The following HEATR6 variants were observed in gnomAD, a reference collection of about 807,000 sequenced individuals.
HEATR6 encodes HEAT repeat containing 6, also known as HEAT repeat-containing protein 6.
In HEATR6, 106 loss-of-function variants were observed where a neutral mutation model predicts 132.8. The observed-to-expected ratio is 0.80, with a 90% CI of 0.68 to 0.94. The LOEUF is 0.94. HEATR6 is among the 40% of genes least tolerant of loss of function. The probability of loss-of-function intolerance (pLI) is 0.00; values close to 1 mark genes in which losing one functional copy is unlikely to be tolerated. For missense variants in HEATR6, 1,339 were observed against 1,425.1 expected (o/e 0.94, Z 0.97); for synonymous variants, 529 against 537.8 (o/e 0.98, Z 0.23).
At chr17:60,048,982 T>A (rs1298115452) in intron 16 of HEATR6, among the ~76,000 whole-genome samples, 4 of 53,306 alleles carry the variant, frequency 7.5e-5, no homozygotes, top group Admixed American at 2.3e-4. Context: ...CATATATATA[T>A]AATATATATA....
chr17:60,044,318 C>T (rs1568600829), intron 19 of HEATR6, among the ~76,000 whole-genome samples, 184 bp from the exon 20 acceptor site: 1 of 152,172 alleles, frequency 6.6e-6, no homozygotes, highest in Non-Finnish European at 1.5e-5. Context: ...AGGTAAGTGG[C>T]CAGGTGCCAA....
chr17:60,043,395 C>G lies in HEATR6; in HGVS notation c.*168G>C, dbSNP rs1906250073. ...GACCATGGCCAGTGCTATGGAGTCACTCCAAAGGTGGTTGAGCCCTCTGTG... is the reference window on the plus strand; with the variant it reads ...GACCATGGCCAGTGCTATGGAGTCAGTCCAAAGGTGGTTGAGCCCTCTGTG... On this transcript the variant is annotated 3_prime_UTR_variant, in exon 20 of 20. Coordinates refer to ENST00000184956, the MANE Select transcript of HEATR6 (RefSeq NM_022070.5). The G allele has an allele frequency of 3.2e-6, 2 of 633,074 alleles. No homozygotes were observed. The highest frequency in any genetic ancestry group is 5.5e-6 in the Non-Finnish European group (2 of 365,032). 39.2% of individuals were successfully genotyped at this position (633,074 alleles called of 1,614,324 possible). A position where few individuals can be genotyped will look rare whatever the true frequency, so the allele number is the denominator to read the frequency against.
Position 60,043,922 on chromosome 17 carries a change from T to G in HEATR6, c.3187A>C (p.Lys1063Gln). 1 of 1,614,074 alleles carries G rather than the reference T, an allele frequency of 6.2e-7. No homozygotes were observed. Among genetic ancestry groups the G allele is most frequent in the Non-Finnish European group, 8.5e-7 (1 of 1,179,986 alleles). Residue 1063 changes from lysine to glutamine, a missense_variant, in exon 20 of 20, where the codon AAG (lysine) becomes CAG (glutamine). Coordinates refer to ENST00000184956, the MANE Select transcript of HEATR6 (RefSeq NM_022070.5). ...SEDTIDFLEF[K>Q]YCVSLRTQIC... Reference sequence around the variant, plus strand: ...TGGGTCCGTAGGCTGACACAGTACTTGAATTCCAAAAAGTCTATGGTGTCT... The same window carrying G: ...TGGGTCCGTAGGCTGACACAGTACTGGAATTCCAAAAAGTCTATGGTGTCT...
In HEATR6 at chr17:60,057,186, A is replaced by C; in HGVS notation, c.1941T>G (p.Ser647=). The C allele has an allele frequency of 1.2e-6, 2 of 1,614,216 alleles. No homozygotes were observed. The highest frequency in any genetic ancestry group is 1.7e-6 in the Non-Finnish European group (2 of 1,180,028). The part of the protein sequence containing the change: ...EETSVSSPKG[S]SEPCWLIRLC... Reference sequence around the variant, plus strand: ...GTCGAATGAGCCAGCAGGGCTCTGAAGACCCCTTAGGTGAGCTAACTGACG... The same window carrying C: ...GTCGAATGAGCCAGCAGGGCTCTGACGACCCCTTAGGTGAGCTAACTGACG... Residue 647 remains serine, a synonymous_variant, in exon 12 of 20, where the codon TCT becomes TCG. Transcript: ENST00000184956.
intron 12 of HEATR6, among the ~76,000 whole-genome samples, 181 bp from the exon 13 acceptor site, chr17:60,056,418 T>A (rs1282900045): frequency 6.6e-6 from 1 of 152,260 alleles, no homozygotes; most frequent in African/African-American, 2.4e-5. Flanking sequence ...CATAGTTTTA[T>A]GGTGCTTTAG....
intron 1 of HEATR6, among the ~76,000 whole-genome samples, chr17:60,078,427 G>A (rs566127197): frequency 6.6e-6 from 1 of 152,308 alleles, no homozygotes; most frequent in East Asian, 1.9e-4. Flanking sequence ...GGTGCGGGCG[G>A]ATGGAAAGTT....
At chr17:60,073,685 T>C in intron 3 of HEATR6, 61 bp downstream of exon 3, 2 of 1,515,104 alleles carry the variant, frequency 1.3e-6, no homozygotes, top group Non-Finnish European at 1.8e-6. Flanking sequence ...CTGAACACAG[T>C]GTTGGCACCA....
Position 60,070,706 on chromosome 17 carries a change from C to G in HEATR6, c.801G>C (p.Lys267Asn), listed in dbSNP as rs771012464. 1.9e-6 allele frequency: 3 copies of G among 1,559,340 alleles called. No individual in the cohort carries two copies. Among genetic ancestry groups the G allele is most frequent in the South Asian group, 1.1e-5 (1 of 89,894 alleles). The change falls in exon 6 of 20, where the codon AAG becomes AAC. Residue 267 changes from lysine (K) to asparagine (N), a missense_variant and splice_region_variant. Coordinates refer to ENST00000184956, the MANE Select transcript of HEATR6 (RefSeq NM_022070.5). Reference sequence around the variant, plus strand: ...ATGATCATATGAAGACTTGCCTTACCTTTAGCACAGCTAAAAGTGCTCCAA... The same window carrying G: ...ATGATCATATGAAGACTTGCCTTACGTTTAGCACAGCTAAAAGTGCTCCAA... ...DELGALLAVLKKFMFHGLPGL... is the reference protein window; with the variant it reads ...DELGALLAVLNKFMFHGLPGL...
intron 8 of HEATR6, among the ~76,000 whole-genome samples, 155 bp downstream of exon 8, chr17:60,067,269 CAAAAAAAAAA>C (rs11339664): frequency 1.6e-5 from 1 of 61,112 alleles, no homozygotes; most frequent in Non-Finnish European, 4.0e-5. Flanking sequence ...GACTCCGTCT[CAAAAAAAAAA>C]AAAAAAAAAA....
In HEATR6 at chr17:60,041,474, G is replaced by A. The variant is rs550337735; in HGVS notation, c.*2089C>T. 4.6e-5 allele frequency among the ~76,000 whole-genome samples: 7 copies of A among 152,058 alleles called. No homozygotes were observed. The South Asian group carries it at 1.5e-3, about 32-fold the overall frequency. ...TTTCCTTTTTTGAAAATGCCAAGAA[G>A]CTACTACTAAGAATGTATTCAAGAG... On this transcript the variant is annotated 3_prime_UTR_variant, in exon 20 of 20. Coordinates refer to ENST00000184956, the MANE Select transcript of HEATR6 (RefSeq NM_022070.5).
chr17:60,057,367 C>G lies in HEATR6; in HGVS notation c.1760G>C (p.Gly587Ala). ...NVRVSSLTLL[G>A]AIVSTHAPLP... The stretch of plus-strand genomic sequence containing the variant: ...AGGTGCGTGGGTGGACACTATAGCT[C>G]CCAAGAGTGTGAGACTTGACACACG... Residue 587 changes from glycine (G) to alanine (A), a missense_variant, in exon 12 of 20, where the codon GGA (glycine) becomes GCA (alanine). Coordinates refer to ENST00000184956, the MANE Select transcript of HEATR6 (RefSeq NM_022070.5). 6.2e-7 allele frequency: 1 copy of G among 1,610,194 alleles called. No homozygotes were observed. Among genetic ancestry groups the G allele is most frequent in the Non-Finnish European group, 8.5e-7 (1 of 1,177,596 alleles).
rs1005339196 is a variant in HEATR6 at position 60,043,514 on chromosome 17, C to T, written c.*49G>A. The T allele has an allele frequency of 7.1e-7, 1 of 1,414,820 alleles. No homozygotes were observed. The highest frequency in any genetic ancestry group is 9.8e-7 in the Non-Finnish European group (1 of 1,020,610). 87.6% of individuals were successfully genotyped at this position (1,414,820 alleles called of 1,614,324 possible). A position where few individuals can be genotyped will look rare whatever the true frequency, so the allele number is the denominator to read the frequency against. On this transcript the variant is annotated 3_prime_UTR_variant, in exon 20 of 20. Coordinates refer to ENST00000184956, the MANE Select transcript of HEATR6 (RefSeq NM_022070.5). ...ATCCCACAGATCTTATGCTCAAGCT[C>T]AGGTCTTCCTACTGCCGCCTTCGAC...
Position 60,055,567 on chromosome 17 carries a change from T to G in HEATR6, c.2237A>C (p.Gln746Pro), listed in dbSNP as rs755586221. The G allele has an allele frequency of 1.2e-6, 2 of 1,613,450 alleles. No individual in the cohort carries two copies. Among genetic ancestry groups the G allele is most frequent in the Admixed American group, 3.3e-5 (2 of 59,864 alleles). The change falls in exon 14 of 20, where the codon CAG becomes CCG. Residue 746 changes from glutamine (Q) to proline (P), a missense_variant. Transcript: ENST00000184956. ...TGCTGCAGTGGAGTCTGGTTTATAC[T>G]GCTGTATTAAGCCTGTGCCCAGTTC... ...LEELGTGLIQ[Q>P]YKPDSTAAPD...
At chr17:60,073,986 G>A (rs992966044) in intron 2 of HEATR6, 100 bp from the exon 3 acceptor site, 1 of 1,470,460 alleles carries the variant, frequency 6.8e-7, no homozygotes, top group Non-Finnish European at 9.0e-7. Context: ...ATAAAAGAGA[G>A]AGTGTGTGTC....
intron 16 of HEATR6, among the ~76,000 whole-genome samples, chr17:60,049,122 A>AGAGTGTGTGT (rs1555667027): frequency 1.5e-5 from 2 of 134,816 alleles, no homozygotes; most frequent in Non-Finnish European, 3.2e-5. Flanking sequence ...AGAGACAGAG[A>AGAGTGTGTGT]GTGTGTGTGT....
Position 60,056,194 on chromosome 17 carries a change from G to C in HEATR6, c.2123C>G (p.Ala708Gly). ...CACCTCTCCAAGCTCCATCAAGTAG[G>C]CTTGAGTCATTGAAAAGTAGCCCCT... ...LARGYFSMTQAYLMELGEVIC... is the reference protein window; with the variant it reads ...LARGYFSMTQGYLMELGEVIC... Residue 708 changes from alanine (A) to glycine (G), a missense_variant, in exon 13 of 20, where the codon GCC (alanine) becomes GGC (glycine). Coordinates refer to ENST00000184956, the MANE Select transcript of HEATR6 (RefSeq NM_022070.5). 2 of 1,614,048 alleles carry C rather than the reference G, an allele frequency of 1.2e-6. No homozygotes were observed. The highest frequency in any genetic ancestry group is 1.7e-6 in the Non-Finnish European group (2 of 1,179,958).
chr17:60,073,765 T>C lies in HEATR6; in HGVS notation c.449A>G (p.Asn150Ser), dbSNP rs781429621. The C allele has an allele frequency of 5.1e-5, 83 of 1,613,932 alleles. 2 individuals are homozygous for C. Among genetic ancestry groups the C allele is most frequent in the South Asian group, 4.9e-4 (45 of 91,076 alleles). Reference sequence around the variant, plus strand: ...AACTACCTTTTGACATTTGGAGCCATTGCAGTACACCAGAGCTGCCAGGGC... The same window carrying C: ...AACTACCTTTTGACATTTGGAGCCACTGCAGTACACCAGAGCTGCCAGGGC... The part of the protein sequence containing the change: ...LQALAALVYC[N>S]GSKCQKYLPE... The change falls in exon 3 of 20, where the codon AAT becomes AGT. Residue 150 changes from asparagine (N) to serine (S), a missense_variant. Coordinates refer to ENST00000184956, the MANE Select transcript of HEATR6 (RefSeq NM_022070.5).
intron 1 of HEATR6, chr17:60,076,525 A>C: frequency 3.6e-6 from 1 of 279,662 alleles, no homozygotes; most frequent in South Asian, 5.4e-5. Context: ...ACATAGTGAG[A>C]CTCCATCTCT....
intron 12 of HEATR6, among the ~76,000 whole-genome samples, 193 bp downstream of exon 12, chr17:60,056,855 T>G (rs1459641323): frequency 6.6e-6 from 1 of 152,148 alleles, no homozygotes; most frequent in African/African-American, 2.4e-5. Context: ...AAGGAATGAA[T>G]CTGCTATTTT....
Sources: gnomAD v4.1 joint callset for allele counts (sites outside exome capture counted in the v4.1 genomes callset) on GRCh38, gnomAD v4.1.1 for gene constraint, MANE v1.5 for transcripts, NCBI Gene and HGNC (gene_info 2026-07-23, HGNC 2026-07-21) for gene names.